The following NTRK3 variants were observed in gnomAD, a reference collection of about 807,000 sequenced individuals.
NTRK3 encodes NT-3 growth factor receptor.
A neutral mutation model predicts 91.7 loss-of-function variants in NTRK3; 24 were observed. The ratio of observed to expected loss-of-function variants is 0.26; its 90% CI spans 0.19 to 0.37. The LOEUF is 0.37. Ranked by LOEUF, NTRK3 falls within the 10% of genes least tolerant of loss-of-function variation. NTRK3 has a pLI of 1.00. For synonymous variants in NTRK3, 483 were observed against 404.0 expected (o/e 1.20, Z -2.34); for missense variants, 880 against 1,068.9 (o/e 0.82, Z 2.46).
At chr15:88,030,118 G>A (rs974784456) in intron 14 of NTRK3, among the ~76,000 whole-genome samples, 9 of 152,212 alleles carry the variant, frequency 5.9e-5, no homozygotes, top group African/African-American at 2.2e-4. Context: ...ATGATCTGGA[G>A]TCATCTCATG....
chr15:88,183,421 T>G, exon 5 of NTRK3: 1 of 1,613,858 alleles, frequency 6.2e-7, no homozygotes, highest in South Asian at 1.1e-5. Flanking sequence ...TACTCACATA[T>G]AACGCAAATG....
intron 7 of NTRK3, among the ~76,000 whole-genome samples, chr15:88,136,864 G>T (rs1276337180): frequency 6.6e-6 from 1 of 152,182 alleles, no homozygotes; most frequent in Non-Finnish European, 1.5e-5. Flanking sequence ...TGGGGGCAGT[G>T]CTTAGGGAAT....
At chr15:88,023,804 C>T (rs1340599735) in intron 14 of NTRK3, among the ~76,000 whole-genome samples, 1 of 152,194 alleles carries the variant, frequency 6.6e-6, no homozygotes, top group Non-Finnish European at 1.5e-5. Context: ...TCAGGCAAGT[C>T]CATCCCGGAC....
chr15:88,081,331 A>G (rs1260078080), intron 13 of NTRK3, among the ~76,000 whole-genome samples: 6 of 152,122 alleles, frequency 3.9e-5, no homozygotes, highest in African/African-American at 1.4e-4. Context: ...GACAACCAGG[A>G]CACCCCAAGT....
At position 88,194,800 on chromosome 15, in the gene NTRK3, C is replaced by T. The variant is rs147812352; in HGVS notation, c.249-10501G>A. ...ACCAGCAGGATCCTTCCTCATGTAA[C>T]ATATGCCATTCCCTCCTCAGCTGAA... On this transcript the variant is annotated intron_variant, in intron 3 of 18. Transcript: ENST00000394480. 1.1e-3 allele frequency among the ~76,000 whole-genome samples: 168 copies of T among 152,352 alleles called. 1 individual carries two copies. The East Asian group carries it at 0.02, about 19-fold the overall frequency.
intron 13 of NTRK3, among the ~76,000 whole-genome samples, chr15:88,082,342 AAGAG>A (rs1444299607): frequency 1.3e-5 from 2 of 152,058 alleles, no homozygotes; most frequent in Non-Finnish European, 2.9e-5. Flanking sequence ...AGCGGGGAAG[AAGAG>A]AGAATGAATT....
At chr15:88,105,514 A>G (rs1246342381) in intron 13 of NTRK3, among the ~76,000 whole-genome samples, 1 of 152,182 alleles carries the variant, frequency 6.6e-6, no homozygotes, top group Non-Finnish European at 1.5e-5. Flanking sequence ...GCAGGAGAAG[A>G]ACTGCATCTC....
chr15:87,943,638 A>G (rs1395727965), intron 14 of NTRK3, among the ~76,000 whole-genome samples: 1 of 152,152 alleles, frequency 6.6e-6, no homozygotes, highest in African/African-American at 2.4e-5. Flanking sequence ...TCTGTTTTTC[A>G]GCTGCTGTGC....
intron 17 of NTRK3, among the ~76,000 whole-genome samples, chr15:87,917,000 G>A (rs1031965467): frequency 7.9e-5 from 12 of 152,172 alleles, no homozygotes; most frequent in Non-Finnish European, 2.9e-5. Context: ...CTAACCTCAA[G>A]TGATCCCCCC....
Position 87,933,089 on chromosome 15 carries a change from A to G in NTRK3, c.1812T>C (p.Tyr604=), listed in dbSNP as rs762923057. 1.3e-5 allele frequency: 21 copies of G among 1,613,966 alleles called. No individual in the cohort carries two copies. The African/African-American group carries it at 2.1e-4, about 16-fold the overall frequency. Residue 604 remains tyrosine, a synonymous_variant, in exon 16 of 19, where the codon TAT becomes TAC. Coordinates refer to ENST00000394480, the Ensembl canonical transcript of NTRK3. ...GGGGGTCCCCATCGCCGCACACTCCATAGAACTTGACAATGTGCTCATGCT... is the reference window on the plus strand; with the variant it reads ...GGGGGTCCCCATCGCCGCACACTCCGTAGAACTTGACAATGTGCTCATGCT...
At position 87,877,221 on chromosome 15, in the gene NTRK3, T is replaced by G. The variant is rs78443344; in HGVS notation, c.2293-101A>C. ...CAACAACTTCCCGGATTAGTTTCTA[T>G]GCAGAGCCGAGGCTCTCACAAGCAC... On this transcript the variant is annotated intron_variant, in intron 18 of 18. Transcript: ENST00000394480. 4,821 of 1,255,684 alleles carry G rather than the reference T, an allele frequency of 3.8e-3. 78 individuals are homozygous for G. The highest frequency in any genetic ancestry group is 0.027 in the East Asian group (1,062 of 39,954). The allele number at this position is 1,255,684 out of a possible 1,614,324, so 77.8% of individuals were successfully genotyped here.
chr15:88,174,349 T>C (rs992602787), intron 5 of NTRK3, among the ~76,000 whole-genome samples: 20 of 152,034 alleles, frequency 1.3e-4, no homozygotes, highest in Admixed American at 9.8e-4. Flanking sequence ...TGGCCACCTA[T>C]CCCTGCTGCA....
chr15:88,220,926 T>G (rs776047237), intron 3 of NTRK3, among the ~76,000 whole-genome samples: 2 of 152,200 alleles, frequency 1.3e-5, no homozygotes, highest in Non-Finnish European at 2.9e-5. Flanking sequence ...GGGATACGTC[T>G]CAAAAATGCT....
intron 11 of NTRK3, among the ~76,000 whole-genome samples, chr15:88,127,756 T>C (rs1450157783): frequency 1.3e-5 from 2 of 152,080 alleles, no homozygotes; most frequent in Non-Finnish European, 2.9e-5. Flanking sequence ...CCACTATCCA[T>C]TCCCCTAACA....
chr15:88,071,431 C>G (rs561077652), intron 13 of NTRK3, among the ~76,000 whole-genome samples: 1 of 152,220 alleles, frequency 6.6e-6, no homozygotes, highest in Admixed American at 6.5e-5. Flanking sequence ...TTGGCCAAGG[C>G]CAGAATACCA....
At chr15:88,010,587 TTAC>T (rs771569696) in intron 14 of NTRK3, among the ~76,000 whole-genome samples, 8 of 152,210 alleles carry the variant, frequency 5.3e-5, no homozygotes, top group Non-Finnish European at 1.2e-4. Context: ...TATTTATATA[TTAC>T]TAACAGATTT....
chr15:88,205,315 T>G (rs2048647437), intron 3 of NTRK3, among the ~76,000 whole-genome samples: 1 of 152,152 alleles, frequency 6.6e-6, no homozygotes, highest in Non-Finnish European at 1.5e-5. Context: ...CAAGCCAGAA[T>G]GTGTCCACCG....
intron 3 of NTRK3, among the ~76,000 whole-genome samples, chr15:88,224,511 T>A (rs186687192): frequency 3.0e-4 from 46 of 152,340 alleles, no homozygotes; most frequent in Admixed American, 3.0e-3. Flanking sequence ...AGTTTCCTCT[T>A]CTGTCCAATG....
chr15:87,946,898 T>C (rs897794034), intron 14 of NTRK3, among the ~76,000 whole-genome samples: 267 of 129,208 alleles, frequency 2.1e-3, no homozygotes, highest in African/African-American at 8.7e-3. Flanking sequence ...TTTTTTTTTT[T>C]TGAGATGGAA....
Sources: gnomAD v4.1 joint callset for allele counts (sites outside exome capture counted in the v4.1 genomes callset) on GRCh38, gnomAD v4.1.1 for gene constraint, MANE v1.5 for transcripts, NCBI Gene and HGNC (gene_info 2026-07-23, HGNC 2026-07-21) for gene names.